The following ATP7A variants were observed in gnomAD, a reference collection of about 807,000 sequenced individuals.
ATP7A encodes the protein ATPase copper transporting alpha, also known as copper-transporting ATPase 1.
ATP7A carries 7 observed loss-of-function variants against 83.5 expected under a neutral mutation model. That is an observed-to-expected ratio of 0.08 (90% CI 0.05 to 0.16). The LOEUF (loss-of-function observed/expected upper bound fraction) is 0.16. ATP7A is among the 10% of genes least tolerant of loss of function. The pLI is 1.00. For synonymous variants in ATP7A, 354 were observed against 395.2 expected (o/e 0.90, Z 1.24); for missense variants, 940 against 1,120.8 (o/e 0.84, Z 2.30).
chrX:77,950,834 C>T (rs2077409129), intron 1 of ATP7A, among the ~76,000 whole-genome samples: 1 of 110,276 alleles, frequency 9.1e-6, no homozygotes, highest in Non-Finnish European at 1.9e-5. Context: ...CCATCCTGGC[C>T]AACATGGTGA....
chrX:78,020,581 T>TG (rs782726032), intron 13 of ATP7A, among the ~76,000 whole-genome samples, 183 bp downstream of exon 13: 1 of 111,940 alleles, frequency 8.9e-6, no homozygotes, highest in Admixed American at 9.5e-5. Flanking sequence ...GGCACCATCA[T>TG]GGCTCACTGC....
chrX:77,959,333 A>C (rs1219147953), intron 1 of ATP7A, among the ~76,000 whole-genome samples: 7 of 111,923 alleles, frequency 6.3e-5, no homozygotes, highest in Admixed American at 4.7e-4. Context: ...TGCCACCTGC[A>C]AACAGGGACA....
chrX:77,922,699 T>G (rs1231450667), intron 1 of ATP7A, among the ~76,000 whole-genome samples: 1 of 111,763 alleles, frequency 8.9e-6, no homozygotes, highest in Non-Finnish European at 1.9e-5. Context: ...ATTTATTTCT[T>G]ACATTTGGGG....
At chrX:77,977,344 C>G (rs1557230420) in intron 2 of ATP7A, among the ~76,000 whole-genome samples, 1 of 111,884 alleles carries the variant, frequency 8.9e-6, no homozygotes, top group Non-Finnish European at 1.9e-5. Flanking sequence ...ATAGTAGTGT[C>G]TGTGCTAATT....
At chrX:77,973,101 G>A (rs1484473185) in intron 2 of ATP7A, among the ~76,000 whole-genome samples, 1 of 110,656 alleles carries the variant, frequency 9.0e-6, no homozygotes, top group Non-Finnish European at 1.9e-5. Context: ...GCTTTCATAT[G>A]GCTCATAAGC....
At chrX:77,970,116 G>A (rs1403918067) in intron 1 of ATP7A, among the ~76,000 whole-genome samples, 2 of 110,996 alleles carry the variant, frequency 1.8e-5, no homozygotes, top group Non-Finnish European at 3.8e-5. Context: ...TTTCCAAGGT[G>A]GTTCACTTAC....
intron 6 of ATP7A, among the ~76,000 whole-genome samples, chrX:78,003,484 A>C (rs2077753695): frequency 9.0e-6 from 1 of 110,940 alleles, no homozygotes. Context: ...AACATTTAAA[A>C]TATAATATGA....
At chrX:77,956,771 C>CTTTCTTTCT (rs1317878782) in intron 1 of ATP7A, among the ~76,000 whole-genome samples, 1 of 99,702 alleles carries the variant, frequency 1.0e-5, no homozygotes, top group Non-Finnish European at 2.0e-5. Flanking sequence ...TTCTTTCTTT[C>CTTTCTTTCT]TTTCTTTCTT....
chrX:78,009,329 C>G (rs1244058446), intron 7 of ATP7A, 66 bp downstream of exon 7: 1 of 1,117,272 alleles, frequency 9.0e-7, no homozygotes, highest in Non-Finnish European at 1.2e-6. Context: ...TGAATCATTT[C>G]TGGTTTGCAT....
At chrX:77,996,904 A>G (rs782016319) in intron 4 of ATP7A, among the ~76,000 whole-genome samples, 1 of 109,808 alleles carries the variant, frequency 9.1e-6, no homozygotes, top group South Asian at 3.9e-4. Flanking sequence ...TTTTTTGGCT[A>G]CTCAGCCTCC....
rs2078076460 is a variant in ATP7A at position 78,045,330 on chromosome X, GCAA to G, written c.4124-133_4124-131del. The G allele has an allele frequency of 9.0e-6, 5 of 555,102 alleles. No individual in the cohort carries two copies. In the Admixed American group the frequency reaches 1.4e-4, roughly 16 times the overall value. 45.7% of individuals were successfully genotyped at this position (555,102 alleles called of 1,213,427 possible). Reference sequence around the variant, plus strand: ...CAACACTCTGTTAGTGAAAAAAATGGCAACAACAAAAATCTCTACCACCAAGAG... The same window carrying G: ...CAACACTCTGTTAGTGAAAAAAATGGCAACAAAAATCTCTACCACCAAGAG... On this transcript the variant is annotated intron_variant, in intron 21 of 22. Transcript: ENST00000341514.
chrX:78,043,516 T>G, intron 21 of ATP7A, 82 bp downstream of exon 21: 2 of 786,110 alleles, frequency 2.5e-6, no homozygotes, highest in Admixed American at 4.4e-5. Context: ...TTCTTACTAT[T>G]AGTTTTGAGC....
At chrX:77,947,653 G>T (rs2149058158) in intron 1 of ATP7A, among the ~76,000 whole-genome samples, 1 of 108,941 alleles carries the variant, frequency 9.2e-6, no homozygotes, top group African/African-American at 3.4e-5. Flanking sequence ...GGCCAGGCTG[G>T]TCTCGAACTC....
chrX:78,013,133 A>G, intron 10 of ATP7A, 21 bp downstream of exon 10: 1 of 1,166,664 alleles, frequency 8.6e-7, no homozygotes, highest in Non-Finnish European at 1.2e-6. Flanking sequence ...AAAGGGTGAC[A>G]TTTGTTAAAA....
intron 2 of ATP7A, among the ~76,000 whole-genome samples, chrX:77,986,826 A>G (rs1383991789): frequency 9.0e-6 from 1 of 111,623 alleles, no homozygotes; most frequent in African/African-American, 3.3e-5. Flanking sequence ...ACCCTACTAC[A>G]CTATCATCTT....
chrX:77,988,979 C>T (rs1226333476), intron 3 of ATP7A, among the ~76,000 whole-genome samples: 2 of 111,166 alleles, frequency 1.8e-5, no homozygotes, highest in Non-Finnish European at 3.8e-5. Context: ...CACAACATGA[C>T]TAGGGTACTC....
At chrX:77,973,453 C>T (rs1421012063) in intron 2 of ATP7A, among the ~76,000 whole-genome samples, 2 of 111,958 alleles carry the variant, frequency 1.8e-5, no homozygotes, top group Non-Finnish European at 3.8e-5. Flanking sequence ...ACATTCCCTC[C>T]AACAATTTGT....
chrX:77,995,427 G>C (rs1367112447), intron 4 of ATP7A, among the ~76,000 whole-genome samples: 3 of 108,539 alleles, frequency 2.8e-5, no homozygotes, highest in African/African-American at 1.0e-4. Context: ...AATTAGCCGG[G>C]CGTGGTGGTG....
At chrX:77,951,636 A>G (rs1180670181) in intron 1 of ATP7A, among the ~76,000 whole-genome samples, 4 of 105,518 alleles carry the variant, frequency 3.8e-5, no homozygotes, top group African/African-American at 1.1e-4. Context: ...CTGGAGTGCC[A>G]TGGTGCAATC....
Sources: allele counts gnomAD v4.1 joint callset (sites outside exome capture counted in the v4.1 genomes callset), GRCh38; gene constraint gnomAD v4.1.1; transcripts MANE v1.5; gene names NCBI Gene and HGNC (gene_info 2026-07-23, HGNC 2026-07-21).